The following CPVL variants were observed in gnomAD, a reference collection of about 807,000 sequenced individuals.
The protein encoded by CPVL is probable serine carboxypeptidase CPVL.
CPVL carries 51 observed loss-of-function variants against 63.7 expected under a neutral mutation model. The ratio of observed to expected loss-of-function variants is 0.80; its 90% CI spans 0.64 to 1.01. The LOEUF (loss-of-function observed/expected upper bound fraction) is 1.01, where lower values mean the gene tolerates loss of function less well. Ranked by LOEUF, CPVL falls within the 50% of genes least tolerant of loss-of-function variation. CPVL has a pLI of 0.00. For missense variants in CPVL, 530 were observed against 573.1 expected, an observed-to-expected ratio of 0.92 and a Z score of 0.77; for synonymous variants, 195 against 206.0, an observed-to-expected ratio of 0.95 and a Z score of 0.46.
At chr7:29,019,475 C>T (rs915939729) in intron 12 of CPVL, among the ~76,000 whole-genome samples, 4 of 152,150 alleles carry the variant, frequency 2.6e-5, no homozygotes, top group African/African-American at 7.2e-5. Flanking sequence ...ATTGCTCCCT[C>T]TCTCGGTACC....
intron 11 of CPVL, among the ~76,000 whole-genome samples, chr7:29,035,669 C>T (rs1211839401): frequency 6.6e-6 from 1 of 152,202 alleles, no homozygotes; most frequent in Non-Finnish European, 1.5e-5. Context: ...TGCACAGTGC[C>T]TGGTACCCCA....
At chr7:29,037,925 C>A (rs1214597444) in intron 11 of CPVL, among the ~76,000 whole-genome samples, 1 of 152,216 alleles carries the variant, frequency 6.6e-6, no homozygotes, top group Non-Finnish European at 1.5e-5. Flanking sequence ...GAAATAGCTA[C>A]ATCCCACAGC....
chr7:29,031,093 A>G (rs1053814846), intron 11 of CPVL, among the ~76,000 whole-genome samples: 1 of 152,202 alleles, frequency 6.6e-6, no homozygotes, highest in African/African-American at 2.4e-5. Flanking sequence ...ACTAAGGAAT[A>G]CTACCCCCTA....
chr7:29,092,966 T>G (rs1489571660), intron 5 of CPVL, among the ~76,000 whole-genome samples: 3 of 152,138 alleles, frequency 2.0e-5, no homozygotes, highest in Admixed American at 2.0e-4. Flanking sequence ...TGTGCCTCAG[T>G]GGAGACCCTG....
At chr7:29,023,362 G>A (rs1454028017) in intron 12 of CPVL, among the ~76,000 whole-genome samples, 1 of 152,152 alleles carries the variant, frequency 6.6e-6, no homozygotes, top group African/African-American at 2.4e-5. Context: ...CTTGTGTGGA[G>A]GAACTCCTTT....
At chr7:29,031,460 C>G (rs1041298636) in intron 11 of CPVL, among the ~76,000 whole-genome samples, 1 of 152,090 alleles carries the variant, frequency 6.6e-6, no homozygotes, top group Non-Finnish European at 1.5e-5. Flanking sequence ...TTTCATTAAT[C>G]CTAAAGCAAT....
chr7:29,004,765 A>G (rs1785007638), intron 12 of CPVL, among the ~76,000 whole-genome samples: 1 of 152,216 alleles, frequency 6.6e-6, no homozygotes, highest in Non-Finnish European at 1.5e-5. Context: ...TTTGAGTGCT[A>G]AAAGTAAAAA....
chr7:29,191,122 A>G (rs1183697426), intron 1 of CPVL, among the ~76,000 whole-genome samples: 1 of 151,988 alleles, frequency 6.6e-6, no homozygotes, highest in Non-Finnish European at 1.5e-5. Flanking sequence ...GTTTTTAGAG[A>G]TGAGGCCTCA....
intron 5 of CPVL, among the ~76,000 whole-genome samples, chr7:29,171,694 T>A (rs1796627969): frequency 6.6e-6 from 1 of 152,186 alleles, no homozygotes; most frequent in African/African-American, 2.4e-5. Flanking sequence ...GCAGGCTAAA[T>A]CCAAGCATAT....
chr7:29,064,054 C>G lies in CPVL; in HGVS notation c.1137+7G>C, dbSNP rs373382584. On this transcript the variant is annotated splice_region_variant and intron_variant, in intron 11 of 12. Coordinates refer to ENST00000265394, the MANE Select transcript of CPVL (RefSeq NM_031311.5). ...TCCTAAAATAGTAACTGAAGTAGCT[C>G]TCTTACCTTATAATTATTCATGATT... The G allele has an allele frequency of 1.3e-6, 2 of 1,598,772 alleles. No individual in the cohort carries two copies. The highest frequency in any genetic ancestry group is 2.7e-5 in the African/African-American group (2 of 74,392).
intron 2 of CPVL, 192 bp from the exon 3 acceptor site, chr7:29,113,014 C>A: frequency 2.1e-6 from 1 of 482,532 alleles, no homozygotes; most frequent in Non-Finnish European, 3.7e-6. Context: ...CACAATTTAG[C>A]CAAGGATATG....
At chr7:29,074,950 C>A (rs1784097371) in intron 7 of CPVL, among the ~76,000 whole-genome samples, 1 of 151,924 alleles carries the variant, frequency 6.6e-6, no homozygotes. Flanking sequence ...GTATACATTG[C>A]CTAGCACAAA....
At chr7:29,175,710 G>GA (rs1008187182) in intron 5 of CPVL, among the ~76,000 whole-genome samples, 2 of 152,088 alleles carry the variant, frequency 1.3e-5, no homozygotes, top group African/African-American at 4.8e-5. Context: ...CAACGGGAAG[G>GA]AGAGTAGTAG....
In CPVL at chr7:29,158,292, G is replaced by A. The variant is rs534142184; in HGVS notation, c.-11+22998C>T. ...TTATAGCACACACATATTTTCTTAGGACCTCAGTTTCCACCATCCTATAAT... is the reference window on the plus strand; with the variant it reads ...TTATAGCACACACATATTTTCTTAGAACCTCAGTTTCCACCATCCTATAAT... On this transcript the variant is annotated intron_variant, in intron 5 of 16. Coordinates refer to the CPVL transcript ENST00000409850. Among the ~76,000 whole-genome samples the A allele has an allele frequency of 8.5e-5, 13 of 152,254 alleles. No individual in the cohort carries two copies. In the South Asian group the frequency reaches 2.7e-3, roughly 32 times the overall value.
chr7:29,175,594 A>G (rs534700304), intron 5 of CPVL, among the ~76,000 whole-genome samples: 55 of 152,264 alleles, frequency 3.6e-4, no homozygotes, highest in African/African-American at 1.3e-3. Flanking sequence ...CCCCAGCCGT[A>G]TGGAACTGAG....
At chr7:29,186,907 T>C (rs931908815) in intron 1 of CPVL, among the ~76,000 whole-genome samples, 1 of 152,166 alleles carries the variant, frequency 6.6e-6, no homozygotes. Flanking sequence ...GATGATAATA[T>C]CTACAGCTGG....
intron 5 of CPVL, among the ~76,000 whole-genome samples, chr7:29,178,453 C>T (rs1389299269): frequency 2.0e-5 from 3 of 152,140 alleles, no homozygotes; most frequent in Non-Finnish European, 2.9e-5. Context: ...ATGCCCAGCT[C>T]GTGTCTGACT....
At chr7:29,127,313 T>A (rs917242280) in intron 1 of CPVL, 1 of 152,206 alleles carries the variant, frequency 6.6e-6, no homozygotes, top group African/African-American at 2.4e-5. Context: ...GGCACCATCA[T>A]GATAATGATA....
intron 12 of CPVL, chr7:29,011,510 G>A (rs1785830429): frequency 6.6e-6 from 1 of 152,366 alleles, no homozygotes; most frequent in Admixed American, 6.5e-5. Context: ...GGGAGTTCAA[G>A]GCTAAAGTGA....
Sources: allele counts gnomAD v4.1 joint callset (sites outside exome capture counted in the v4.1 genomes callset), GRCh38; gene constraint gnomAD v4.1.1; transcripts MANE v1.5; gene names NCBI Gene and HGNC (gene_info 2026-07-23, HGNC 2026-07-21).